The following OPN5 variants were observed in gnomAD, a reference collection of about 807,000 sequenced individuals.
OPN5 encodes opsin 5.
A neutral mutation model predicts 41.7 loss-of-function variants in OPN5; 18 were observed. The ratio of observed to expected loss-of-function variants is 0.43; its 90% CI spans 0.30 to 0.64. OPN5 has a LOEUF of 0.64. Ranked by LOEUF, OPN5 falls within the 30% of genes least tolerant of loss-of-function variation. The pLI, the probability that OPN5 is intolerant of heterozygous loss-of-function variation, is 0.13. For synonymous variants in OPN5, 178 were observed against 164.3 expected, an observed-to-expected ratio of 1.08 and a Z score of -0.64; for missense variants, 318 against 434.5, an observed-to-expected ratio of 0.73 and a Z score of 2.38.
chr6:47,811,564 TA>T (rs1774204713), intron 5 of OPN5, 109 bp from the exon 6 acceptor site: 1 of 513,100 alleles, frequency 1.9e-6, no homozygotes, highest in Admixed American at 2.8e-5. Context: ...TTTGTGCACA[TA>T]ATCCTCATAG....
intron 4 of OPN5, among the ~76,000 whole-genome samples, chr6:47,796,108 A>T (rs1773562269): frequency 6.6e-6 from 1 of 152,140 alleles, no homozygotes; most frequent in African/African-American, 2.4e-5. Context: ...CGGTAGTTTC[A>T]GAGGTGACAG....
At chr6:47,823,119 G>A (rs113790743) in intron 6 of OPN5, among the ~76,000 whole-genome samples, 16 of 152,274 alleles carry the variant, frequency 1.1e-4, no homozygotes, top group East Asian at 9.7e-4. Flanking sequence ...TTATGTGGCC[G>A]TGGCCCAGTA....
chr6:47,801,101 G>A (rs191536764), intron 4 of OPN5, among the ~76,000 whole-genome samples: 1 of 152,118 alleles, frequency 6.6e-6, no homozygotes, highest in Non-Finnish European at 1.5e-5. Flanking sequence ...TTTATCTTTA[G>A]TGACACTGGT....
intron 2 of OPN5, among the ~76,000 whole-genome samples, chr6:47,790,450 C>G (rs1217773441): frequency 6.6e-6 from 1 of 152,068 alleles, no homozygotes; most frequent in South Asian, 2.1e-4. Flanking sequence ...TCCATGAATC[C>G]TCTCTGGTCT....
At chr6:47,818,677 G>T (rs1035763400) in intron 6 of OPN5, among the ~76,000 whole-genome samples, 6 of 152,126 alleles carry the variant, frequency 3.9e-5, no homozygotes, top group African/African-American at 1.4e-4. Flanking sequence ...GTGTTCCAAG[G>T]TGAGAGATGA....
chr6:47,801,868 G>C (rs941230148), intron 4 of OPN5, among the ~76,000 whole-genome samples: 1 of 151,558 alleles, frequency 6.6e-6, no homozygotes, highest in East Asian at 1.9e-4. Context: ...TACATGGTAA[G>C]TGCTTAATAT....
chr6:47,789,567 ACTCCATTTCC>A (rs1420541712), intron 2 of OPN5, among the ~76,000 whole-genome samples: 1 of 152,006 alleles, frequency 6.6e-6, no homozygotes, highest in Non-Finnish European at 1.5e-5. Context: ...GTTATTTTAC[ACTCCATTTCC>A]TTGTGGACTC....
chr6:47,790,353 C>T (rs1404071981), intron 2 of OPN5, among the ~76,000 whole-genome samples: 3 of 152,094 alleles, frequency 2.0e-5, no homozygotes, highest in Non-Finnish European at 4.4e-5. Flanking sequence ...CTTAATATTT[C>T]TTTCCCTAAA....
intron 6 of OPN5, among the ~76,000 whole-genome samples, chr6:47,819,697 A>C (rs971908460): frequency 2.6e-5 from 4 of 152,070 alleles, no homozygotes; most frequent in Admixed American, 6.6e-5. Flanking sequence ...GATATTCCAG[A>C]AAATACCCTG....
At chr6:47,804,181 T>A (rs9473192) in intron 4 of OPN5, among the ~76,000 whole-genome samples, 20,538 of 152,138 alleles carry the variant, frequency 0.13, 1,485 homozygotes, top group Middle Eastern at 0.16. Flanking sequence ...TGGGTTGCAG[T>A]TGTGTGATTC....
At chr6:47,810,245 C>A (rs536032368) in intron 5 of OPN5, among the ~76,000 whole-genome samples, 6 of 152,242 alleles carry the variant, frequency 3.9e-5, no homozygotes, top group Non-Finnish European at 8.8e-5. Flanking sequence ...CAGTGAGGAG[C>A]CCTTAGGTGC....
At chr6:47,814,675 C>T (rs2114000461) in intron 6 of OPN5, among the ~76,000 whole-genome samples, 1 of 152,192 alleles carries the variant, frequency 6.6e-6, no homozygotes, top group East Asian at 1.9e-4. Context: ...GGATAACTTC[C>T]TGAGTGGGTT....
intron 6 of OPN5, among the ~76,000 whole-genome samples, 157 bp from the exon 7 acceptor site, chr6:47,823,826 G>C (rs1279780665): frequency 2.6e-5 from 4 of 152,136 alleles, no homozygotes; most frequent in Admixed American, 6.6e-5. Context: ...GGACTCTGTG[G>C]GTTCGGGGAG....
intron 4 of OPN5, among the ~76,000 whole-genome samples, chr6:47,798,227 T>A (rs1340108609): frequency 6.6e-6 from 1 of 152,078 alleles, no homozygotes; most frequent in Non-Finnish European, 1.5e-5. Flanking sequence ...AATACAAACA[T>A]CTCTAATTAT....
intron 6 of OPN5, among the ~76,000 whole-genome samples, chr6:47,823,756 C>A (rs1762709115): frequency 6.6e-6 from 1 of 152,112 alleles, no homozygotes; most frequent in Non-Finnish European, 1.5e-5. Flanking sequence ...GGAGCCTGAA[C>A]TAGAATTGTG....
intron 4 of OPN5, among the ~76,000 whole-genome samples, chr6:47,795,924 T>C (rs1473154352): frequency 6.6e-6 from 1 of 152,228 alleles, no homozygotes; most frequent in Non-Finnish European, 1.5e-5. Flanking sequence ...ATAACTTTTA[T>C]GAATCATACA....
At chr6:47,802,101 T>C (rs1773799527) in intron 4 of OPN5, among the ~76,000 whole-genome samples, 1 of 152,188 alleles carries the variant, frequency 6.6e-6, no homozygotes, top group African/African-American at 2.4e-5. Context: ...GCACTGTGCC[T>C]CTTAATTTAA....
At chr6:47,792,544 A>T (rs1773410993) in intron 3 of OPN5, among the ~76,000 whole-genome samples, 1 of 152,244 alleles carries the variant, frequency 6.6e-6, no homozygotes, top group Non-Finnish European at 1.5e-5. Flanking sequence ...AGAATTGGTG[A>T]ATCAGCAGAA....
At chr6:47,808,201 T>C (rs1774050608) in exon 5 of OPN5, 2 of 1,613,858 alleles carry the variant, frequency 1.2e-6, no homozygotes, top group Non-Finnish European at 1.7e-6. Flanking sequence ...GGATTCCTTA[T>C]GCAGTGGTGT....
Sources: allele counts gnomAD v4.1 joint callset (sites outside exome capture counted in the v4.1 genomes callset), GRCh38; gene constraint gnomAD v4.1.1; transcripts MANE v1.5; gene names NCBI Gene and HGNC (gene_info 2026-07-23, HGNC 2026-07-21).